SIPA1L2: variants seen among roughly 807,000 people sequenced by gnomAD.
The protein encoded by SIPA1L2 is signal-induced proliferation-associated 1-like protein 2.
In SIPA1L2, 56 loss-of-function variants were observed where a neutral mutation model predicts 163.9. The observed-to-expected ratio is 0.34, with a 90% CI of 0.28 to 0.43. The LOEUF is 0.43. Ranked by LOEUF, SIPA1L2 falls within the 20% of genes least tolerant of loss-of-function variation. The pLI is 1.00. For missense variants in SIPA1L2, 1,974 were observed against 2,193.5 expected, an observed-to-expected ratio of 0.90 and a Z score of 2.00; for synonymous variants, 877 against 865.7, an observed-to-expected ratio of 1.01 and a Z score of -0.23.
rs566205114 is a variant in SIPA1L2 at position 232,595,605 on chromosome 1, A to C, written c.-318-21383T>G. ...GACTCAAACTCTGCTCTGGGTCTGC[A>C]AAAGTCATCTTTTGTGCTCCCCCAA... On this transcript the variant is annotated intron_variant, in intron 1 of 22. Transcript: ENST00000674635. 2.6e-5 allele frequency among the ~76,000 whole-genome samples: 4 copies of C among 152,244 alleles called. No homozygotes were observed. In the East Asian group the frequency reaches 7.7e-4, roughly 29 times the overall value.
intron 6 of SIPA1L2, 63 bp downstream of exon 6, chr1:232,483,729 T>C: frequency 6.3e-7 from 1 of 1,587,282 alleles, no homozygotes; most frequent in Non-Finnish European, 8.6e-7. Flanking sequence ...CTTACTTGGA[T>C]TTATGAAGCA....
chr1:232,479,180 G>T (rs1572959422), intron 7 of SIPA1L2, among the ~76,000 whole-genome samples: 1 of 152,092 alleles, frequency 6.6e-6, no homozygotes, highest in Admixed American at 6.6e-5. Context: ...CTTTAAAAAG[G>T]TCAAGAAATT....
At chr1:232,568,828 C>T (rs144093532) in intron 2 of SIPA1L2, among the ~76,000 whole-genome samples, 23 of 152,338 alleles carry the variant, frequency 1.5e-4, no homozygotes, top group African/African-American at 5.3e-4. Flanking sequence ...GTGCCTACAA[C>T]ATGCCAGGCG....
chr1:232,556,467 G>A (rs183092796), intron 2 of SIPA1L2, among the ~76,000 whole-genome samples: 82 of 152,272 alleles, frequency 5.4e-4, no homozygotes, highest in Non-Finnish European at 9.6e-4. Flanking sequence ...TTCTACAAAT[G>A]TGCTCTGATG....
intron 1 of SIPA1L2, among the ~76,000 whole-genome samples, chr1:232,620,510 G>A (rs1334426046): frequency 6.6e-6 from 1 of 152,166 alleles, no homozygotes; most frequent in Non-Finnish European, 1.5e-5. Flanking sequence ...ATCCTGTGCC[G>A]ACTCAACATC....
chr1:232,599,652 C>T (rs545285443), intron 1 of SIPA1L2, among the ~76,000 whole-genome samples: 2 of 152,072 alleles, frequency 1.3e-5, no homozygotes, highest in Non-Finnish European at 2.9e-5. Context: ...GTAGAACTAC[C>T]CTCTAAGATT....
At chr1:232,525,189 C>T (rs1417024374) in intron 2 of SIPA1L2, among the ~76,000 whole-genome samples, 4 of 150,106 alleles carry the variant, frequency 2.7e-5, no homozygotes, top group African/African-American at 9.8e-5. Context: ...AAAATACTGC[C>T]CTTTATTCCT....
At chr1:232,500,908 A>G (rs942602471) in intron 3 of SIPA1L2, among the ~76,000 whole-genome samples, 20 of 152,140 alleles carry the variant, frequency 1.3e-4, no homozygotes, top group African/African-American at 4.8e-4. Context: ...TTGTTTTAAT[A>G]AATTGTCACA....
At position 232,570,560 on chromosome 1, in the gene SIPA1L2, T is replaced by A. The variant is rs563745699; in HGVS notation, c.-270+3614A>T. ...ACAGATATGTTGTACAGATTTGTGATGTCCCCTTTCATTAGGGTCCAATTG... is the reference window on the plus strand; with the variant it reads ...ACAGATATGTTGTACAGATTTGTGAAGTCCCCTTTCATTAGGGTCCAATTG... On this transcript the variant is annotated intron_variant, in intron 2 of 22. Coordinates refer to ENST00000674635, the MANE Select transcript of SIPA1L2 (RefSeq NM_020808.5). 3.9e-5 allele frequency among the ~76,000 whole-genome samples: 6 copies of A among 152,330 alleles called. No homozygotes were observed. The South Asian group carries it at 1.2e-3, about 32-fold the overall frequency.
chr1:232,482,997 G>A (rs1415637507), intron 6 of SIPA1L2, among the ~76,000 whole-genome samples: 1 of 152,114 alleles, frequency 6.6e-6, no homozygotes, highest in East Asian at 1.9e-4. Context: ...TTTCCAATAT[G>A]CATCAAATTA....
intron 2 of SIPA1L2, among the ~76,000 whole-genome samples, chr1:232,550,694 G>C (rs936212750): frequency 1.3e-5 from 2 of 152,184 alleles, no homozygotes; most frequent in Non-Finnish European, 2.9e-5. Context: ...GCAGACAACA[G>C]AACCAAGGCT....
intron 8 of SIPA1L2, among the ~76,000 whole-genome samples, chr1:232,469,816 T>C (rs371385913): frequency 2.7e-4 from 41 of 151,346 alleles, no homozygotes; most frequent in East Asian, 1.2e-3. Context: ...TTAGGTTTTC[T>C]GGTTTTAATT....
rs78590087 is a variant in SIPA1L2 at position 232,519,533 on chromosome 1, C to T, written c.-269-3925G>A. Among the ~76,000 whole-genome samples the T allele has an allele frequency of 7.0e-3, 1,070 of 152,274 alleles. 29 individuals are homozygous for T. The South Asian group carries it at 0.079, about 11-fold the overall frequency. ...GAGTTAGAGAAGAAGCCATATGAAG[C>T]GAGGGCCCACACATGCCTTCTTCTT... On this transcript the variant is annotated intron_variant, in intron 2 of 22. Coordinates refer to ENST00000674635, the MANE Select transcript of SIPA1L2 (RefSeq NM_020808.5).
chr1:232,460,775 A>T, intron 10 of SIPA1L2, 112 bp downstream of exon 10: 1 of 1,313,556 alleles, frequency 7.6e-7, no homozygotes, highest in Non-Finnish European at 1.0e-6. Context: ...AGAACACTGT[A>T]CAAAGACACA....
Position 232,470,330 on chromosome 1 carries a change from T to G in SIPA1L2, c.2243+1041A>C, listed in dbSNP as rs558672673. On this transcript the variant is annotated intron_variant, in intron 8 of 22. Coordinates refer to ENST00000674635, the MANE Select transcript of SIPA1L2 (RefSeq NM_020808.5). ...TGTACTGCATTAGAACACAGCACAGTAGAGCCATAGACTAGGGCTATGTTT... is the reference window on the plus strand; with the variant it reads ...TGTACTGCATTAGAACACAGCACAGGAGAGCCATAGACTAGGGCTATGTTT... Among the ~76,000 whole-genome samples, 191 of 152,232 alleles carry G rather than the reference T, an allele frequency of 1.3e-3. 1 individual carries two copies. The highest frequency in any genetic ancestry group is 4.1e-3 in the African/African-American group (170 of 41,534).
At chr1:232,587,783 C>T (rs7550495) in intron 1 of SIPA1L2, among the ~76,000 whole-genome samples, 3 of 152,028 alleles carry the variant, frequency 2.0e-5, no homozygotes, top group Non-Finnish European at 2.9e-5. Flanking sequence ...GGACCCAGTG[C>T]GAGATAACTA....
intron 5 of SIPA1L2, 57 bp downstream of exon 5, chr1:232,490,817 A>G (rs765267682): frequency 1.6e-4 from 244 of 1,522,870 alleles, no homozygotes; most frequent in Non-Finnish European, 2.1e-4. Flanking sequence ...AAACTCCAAA[A>G]CTTTCAGAAA....
intron 2 of SIPA1L2, among the ~76,000 whole-genome samples, chr1:232,516,630 A>ATTT (rs77019423): frequency 4.8e-5 from 7 of 145,750 alleles, no homozygotes; most frequent in African/African-American, 1.7e-4. Flanking sequence ...TCATCCCTAA[A>ATTT]TTTTTTTTTT....
chr1:232,509,930 G>A (rs113942662), intron 3 of SIPA1L2, among the ~76,000 whole-genome samples: 2 of 152,260 alleles, frequency 1.3e-5, no homozygotes, highest in Admixed American at 1.3e-4. Context: ...CCCAGCCCGA[G>A]CCCATCTGCA....
Sources: allele counts gnomAD v4.1 joint callset (sites outside exome capture counted in the v4.1 genomes callset), GRCh38; gene constraint gnomAD v4.1.1; transcripts MANE v1.5; gene names NCBI Gene and HGNC (gene_info 2026-07-23, HGNC 2026-07-21).